UNC13C: variants seen among roughly 807,000 people sequenced by gnomAD.
The protein encoded by UNC13C is protein unc-13 homolog C.
Under a neutral mutation model 245.4 loss-of-function variants are expected in UNC13C, and 174 were observed. The observed-to-expected ratio is 0.71, with a 90% confidence interval of 0.63 to 0.80. The LOEUF (loss-of-function observed/expected upper bound fraction) is 0.80, where lower values mean the gene tolerates loss of function less well. Among genes scored for constraint, UNC13C ranks in the 30% least tolerant of loss-of-function variants. The probability of loss-of-function intolerance (pLI) is 0.00; values close to 1 mark genes in which losing one functional copy is unlikely to be tolerated. For missense variants in UNC13C, 2,829 were observed against 2,602.9 expected (o/e 1.09, Z -1.89); for synonymous variants, 992 against 895.1 (o/e 1.11, Z -1.93).
the UNC13C span, among the ~76,000 whole-genome samples, chr15:53,886,028 C>T: frequency 9.2e-5 from 14 of 151,748 alleles, no homozygotes; most frequent in African/African-American, 3.1e-4. Context: ...TTACAGATAA[C>T]GAAGAGGAAG....
intron 29 of UNC13C, 35 bp from the exon 30 acceptor site, chr15:54,567,765 T>A (rs1254767715): frequency 6.5e-7 from 1 of 1,546,930 alleles, no homozygotes; most frequent in Non-Finnish European, 8.7e-7. Context: ...AATACTTCTC[T>A]CTAAATGCCT....
At chr15:54,578,170 A>C (rs1176344376) in intron 30 of UNC13C, among the ~76,000 whole-genome samples, 1 of 152,216 alleles carries the variant, frequency 6.6e-6, no homozygotes, top group Non-Finnish European at 1.5e-5. Context: ...TGTAAAGTTT[A>C]AGAGTTCTCA....
In UNC13C at chr15:54,602,538, G is replaced by T. The variant is rs1381768452; in HGVS notation, c.6107-19789G>T. ...TATTCTATTTTCATTTTAAAAGCATGAGCATATTTTAGAGGATGCTCTAAG... is the reference window on the plus strand; with the variant it reads ...TATTCTATTTTCATTTTAAAAGCATTAGCATATTTTAGAGGATGCTCTAAG... On this transcript the variant is annotated intron_variant, in intron 30 of 32. Transcript: ENST00000260323. Among the ~76,000 whole-genome samples, 4 of 152,294 alleles carry T rather than the reference G, an allele frequency of 2.6e-5. No homozygotes were observed. In the South Asian group the frequency reaches 8.3e-4, roughly 32 times the overall value.
rs771381272 is a variant in UNC13C at position 54,354,110 on chromosome 15, A to G, written c.4713+15621A>G. Among the ~76,000 whole-genome samples the G allele has an allele frequency of 2.6e-5, 4 of 152,262 alleles. No individual in the cohort carries two copies. The South Asian group carries it at 6.2e-4, about 24-fold the overall frequency. On this transcript the variant is annotated intron_variant, in intron 17 of 32. Transcript: ENST00000260323. ...CACCTGGATTCAAATAGAGGCTCCC[A>G]TCAATTAGGAAGCTATTGAGTCTTG... is the stretch of plus-strand genomic sequence containing the variant.
intron 18 of UNC13C, among the ~76,000 whole-genome samples, chr15:54,403,043 G>T (rs775709523): frequency 7.9e-5 from 12 of 152,164 alleles, no homozygotes; most frequent in Non-Finnish European, 1.2e-4. Flanking sequence ...CTGCTCTACT[G>T]CCTTAAGCTC....
intron 2 of UNC13C, among the ~76,000 whole-genome samples, chr15:54,131,815 C>A (rs1305122037): frequency 6.6e-6 from 1 of 152,068 alleles, no homozygotes; most frequent in Non-Finnish European, 1.5e-5. Flanking sequence ...TGTTTACTGT[C>A]GCACTCCCAT....
chr15:53,897,120 A>G, the UNC13C span, among the ~76,000 whole-genome samples: 3 of 152,096 alleles, frequency 2.0e-5, no homozygotes, highest in Admixed American at 1.3e-4. Context: ...GTGAAACTAT[A>G]TGTTTATTTA....
At chr15:54,003,376 A>C (rs1310051011) in intron 1 of UNC13C, among the ~76,000 whole-genome samples, 1 of 152,218 alleles carries the variant, frequency 6.6e-6, no homozygotes, top group Non-Finnish European at 1.5e-5. Context: ...TGAAAAAGCA[A>C]CAGTGCTTAT....
chr15:53,936,532 T>C, the UNC13C span, among the ~76,000 whole-genome samples: 2 of 152,206 alleles, frequency 1.3e-5, no homozygotes, highest in Admixed American at 6.5e-5. Flanking sequence ...GCAGCCAGAC[T>C]ACTTCTTTAA....
At chr15:54,110,067 C>T (rs1900687909) in intron 2 of UNC13C, among the ~76,000 whole-genome samples, 1 of 152,018 alleles carries the variant, frequency 6.6e-6, no homozygotes. Flanking sequence ...CACTTGAGGC[C>T]AGGAGTTTAA....
At chr15:54,588,294 G>A (rs889052920) in intron 30 of UNC13C, among the ~76,000 whole-genome samples, 1 of 152,018 alleles carries the variant, frequency 6.6e-6, no homozygotes, top group African/African-American at 2.4e-5. Flanking sequence ...CCTTAAATAT[G>A]GTCACATTAT....
the UNC13C span, among the ~76,000 whole-genome samples, chr15:53,950,940 G>T: frequency 6.6e-6 from 1 of 152,106 alleles, no homozygotes; most frequent in African/African-American, 2.4e-5. Flanking sequence ...ATTACAAAGC[G>T]AAATGTAATA....
intron 10 of UNC13C, among the ~76,000 whole-genome samples, chr15:54,268,498 A>G (rs2036604252): frequency 6.6e-6 from 1 of 152,088 alleles, no homozygotes; most frequent in South Asian, 2.1e-4. Context: ...TTTAGCTTGA[A>G]TTGCAGACAT....
At chr15:54,035,503 AACT>A in intron 2 of UNC13C, among the ~76,000 whole-genome samples, 1 of 152,174 alleles carries the variant, frequency 6.6e-6, no homozygotes, top group East Asian at 1.9e-4. Context: ...CATTTTCTCC[AACT>A]GAGAGATCCT....
At chr15:54,612,115 C>G (rs928567426) in intron 30 of UNC13C, among the ~76,000 whole-genome samples, 13 of 152,066 alleles carry the variant, frequency 8.5e-5, no homozygotes, top group African/African-American at 3.1e-4. Flanking sequence ...TTACTAAACT[C>G]AAATATGCAG....
intron 2 of UNC13C, among the ~76,000 whole-genome samples, chr15:54,101,590 T>C (rs1320783605): frequency 7.0e-6 from 1 of 142,422 alleles, no homozygotes; most frequent in Non-Finnish European, 1.5e-5. Context: ...TCCTCCCCCT[T>C]TTTTTTTTGA....
At chr15:53,889,362 T>C in the UNC13C span, among the ~76,000 whole-genome samples, 1 of 152,176 alleles carries the variant, frequency 6.6e-6, no homozygotes, top group Non-Finnish European at 1.5e-5. Flanking sequence ...TTGACTGTTA[T>C]TGGTGTATAG....
chr15:54,025,740 C>T (rs2141010402), intron 2 of UNC13C, among the ~76,000 whole-genome samples: 2 of 152,254 alleles, frequency 1.3e-5, no homozygotes, highest in South Asian at 4.1e-4. Context: ...AGCTATTTTC[C>T]CAAATCATAA....
chr15:54,553,291 A>G (rs1896937188), intron 28 of UNC13C, among the ~76,000 whole-genome samples: 1 of 116,222 alleles, frequency 8.6e-6, no homozygotes. Flanking sequence ...AATATTATAT[A>G]TTGTATTCTA....
Sources: gnomAD v4.1 joint callset for allele counts (sites outside exome capture counted in the v4.1 genomes callset) on GRCh38, gnomAD v4.1.1 for gene constraint, MANE v1.5 for transcripts, NCBI Gene and HGNC (gene_info 2026-07-23, HGNC 2026-07-21) for gene names.